The following SUCO variants were observed in gnomAD, a reference collection of about 807,000 sequenced individuals.
SUCO encodes SUN domain-containing ossification factor.
SUCO carries 57 observed loss-of-function variants against 148.1 expected under a neutral mutation model. The ratio of observed to expected loss-of-function variants is 0.38; its 90% CI spans 0.31 to 0.48. The LOEUF (loss-of-function observed/expected upper bound fraction) is 0.48. Among genes scored for constraint, SUCO ranks in the 20% least tolerant of loss-of-function variants. The pLI is 0.96. For missense variants in SUCO, 1,331 were observed against 1,468.2 expected (o/e 0.91, Z 1.53); for synonymous variants, 470 against 502.7 (o/e 0.93, Z 0.87).
At chr1:172,609,784 C>T (rs888924929) in intron 23 of SUCO, 32 bp from the exon 24 acceptor site, 16 of 1,565,616 alleles carry the variant, frequency 1.0e-5, no homozygotes, top group Non-Finnish European at 1.4e-5. Flanking sequence ...TGGGAAGTAT[C>T]ATTACTAACT....
intron 13 of SUCO, 131 bp downstream of exon 13, chr1:172,577,950 T>G: frequency 1.5e-6 from 1 of 652,976 alleles, no homozygotes; most frequent in Non-Finnish European, 2.5e-6. Flanking sequence ...CTGTGAAACC[T>G]TTCTTTTGAA....
At position 172,573,879 on chromosome 1, in the gene SUCO, T is replaced by C; in HGVS notation, c.1050-12T>C. ...GATTGGTTTAAGTAATTGTCTTTTG[T>C]TCTTTTTGAAGGTTTGTTATTGAAC... On this transcript the variant is annotated splice_polypyrimidine_tract_variant and intron_variant, in intron 9 of 23. Transcript: ENST00000263688. 2 of 1,452,684 alleles carry C rather than the reference T, an allele frequency of 1.4e-6. No individual in the cohort carries two copies. Among genetic ancestry groups the C allele is most frequent in the Non-Finnish European group, 1.9e-6 (2 of 1,042,066 alleles). The allele number at this position is 1,452,684 out of a possible 1,614,324, so 90.0% of individuals were successfully genotyped here.
chr1:172,546,629 C>T (rs1269913229), intron 1 of SUCO, among the ~76,000 whole-genome samples: 1 of 152,166 alleles, frequency 6.6e-6, no homozygotes, highest in Non-Finnish European at 1.5e-5. Context: ...CCTGTATAGG[C>T]CAGGCACAGT....
chr1:172,557,447 A>T, intron 5 of SUCO, 30 bp downstream of exon 5: 1 of 1,613,000 alleles, frequency 6.2e-7, no homozygotes, highest in Non-Finnish European at 8.5e-7. Context: ...TGTCCTTCTT[A>T]TGATTCTGTA....
chr1:172,593,521 T>C (rs1352780543), intron 19 of SUCO, among the ~76,000 whole-genome samples: 2 of 152,264 alleles, frequency 1.3e-5, no homozygotes, highest in African/African-American at 2.4e-5. Context: ...TTTCTGCATC[T>C]GTTGAGTTAA....
intron 19 of SUCO, among the ~76,000 whole-genome samples, chr1:172,596,930 C>T (rs949285573): frequency 6.6e-6 from 1 of 152,256 alleles, no homozygotes; most frequent in Non-Finnish European, 1.5e-5. Context: ...CTGCGCTGGG[C>T]TCCACCCAGT....
intron 1 of SUCO, among the ~76,000 whole-genome samples, chr1:172,539,412 C>G (rs1194656758): frequency 6.6e-6 from 1 of 152,084 alleles, no homozygotes; most frequent in Non-Finnish European, 1.5e-5. Flanking sequence ...GTACATGTCA[C>G]AAGGGAATAG....
intron 6 of SUCO, among the ~76,000 whole-genome samples, chr1:172,566,570 A>G (rs542933333): frequency 6.6e-6 from 1 of 152,402 alleles, no homozygotes; most frequent in East Asian, 1.9e-4. Flanking sequence ...ATACAGCAGC[A>G]GCAGAAGTAC....
chr1:172,608,549 A>G (rs1318006030), intron 22 of SUCO, 198 bp from the exon 23 acceptor site: 1 of 582,390 alleles, frequency 1.7e-6, no homozygotes, highest in Non-Finnish European at 3.0e-6. Context: ...TAGGAATCAT[A>G]TCATCTTCCA....
chr1:172,594,832 T>C (rs1395339426), intron 19 of SUCO, among the ~76,000 whole-genome samples: 1 of 152,228 alleles, frequency 6.6e-6, no homozygotes, highest in Non-Finnish European at 1.5e-5. Context: ...TGGATATCTT[T>C]GTTAACTTTC....
intron 19 of SUCO, among the ~76,000 whole-genome samples, chr1:172,591,301 T>G (rs2149262169): frequency 6.6e-6 from 1 of 152,224 alleles, no homozygotes; most frequent in African/African-American, 2.4e-5. Context: ...ACTTTTAAGT[T>G]CTAGGGTACA....
intron 1 of SUCO, among the ~76,000 whole-genome samples, chr1:172,546,443 A>G (rs1652862876): frequency 6.6e-6 from 1 of 152,222 alleles, no homozygotes; most frequent in African/African-American, 2.4e-5. Flanking sequence ...TAAAACAACT[A>G]TCACAAAGGA....
rs200727006 is a variant in SUCO, at chr1:172,557,744, G to T, written c.682G>T (p.Gly228Cys). 6.2e-7 allele frequency: 1 copy of T among 1,609,864 alleles called. No homozygotes were observed. The highest frequency in any genetic ancestry group is 8.5e-7 in the Non-Finnish European group (1 of 1,178,902). The change falls in exon 6 of 24, where the codon GGT (glycine) becomes TGT (cysteine). Residue 228 changes from glycine (G) to cysteine (C), a missense_variant. By Grantham distance (159) the Gly-to-Cys change is radical. This residue lies in a region of SUCO where 992 missense variants were observed against 1,093.5 expected (regional missense o/e 0.91). Coordinates refer to ENST00000263688, the MANE Select transcript of SUCO (RefSeq NM_014283.5). ...ESKVSASEQG[G>C]GDPKSALNAS... is the part of the protein sequence containing the mutation. ...AAAAGTTTCAGCAAGTGAACAGGGC[G>T]GTGGTGATCCAAAATCTGCATTGAA...
In SUCO at chr1:172,591,009, C is replaced by T; in HGVS notation, c.2851C>T (p.Gln951Ter). Residue 951 changes from glutamine (Q) to a stop codon, truncating the protein, a stop_gained, in exon 19 of 24, where the codon CAA becomes TAA. Coordinates refer to ENST00000263688, the MANE Select transcript of SUCO (RefSeq NM_014283.5). LOFTEE classifies it high-confidence loss of function. Reference protein sequence around the residue: ...QRYRKQMEEMQKAFNKTIVKL... With the variant: ...QRYRKQMEEM ...GTACCGAAAACAAATGGAAGAAATGCAAAAGGCTTTCAATAAAACAATCGT... is the reference window on the plus strand; with the variant it reads ...GTACCGAAAACAAATGGAAGAAATGTAAAAGGCTTTCAATAAAACAATCGT... The T allele has an allele frequency of 1.9e-6, 3 of 1,611,906 alleles. No individual in the cohort carries two copies. Among genetic ancestry groups the T allele is most frequent in the Non-Finnish European group, 2.5e-6 (3 of 1,178,884 alleles).
intron 1 of SUCO, among the ~76,000 whole-genome samples, chr1:172,538,046 A>G (rs1652156010): frequency 6.6e-6 from 1 of 152,170 alleles, no homozygotes. Context: ...TTTTGAAAGG[A>G]TTTGATTATC....
intron 9 of SUCO, among the ~76,000 whole-genome samples, chr1:172,572,908 G>A (rs562956657): frequency 3.2e-4 from 48 of 151,932 alleles, no homozygotes; most frequent in Non-Finnish European, 5.4e-4. Flanking sequence ...TTTATTTTCC[G>A]CCAATGCCAT....
At position 172,610,501 on chromosome 1, in the gene SUCO, C is replaced by A; in HGVS notation, c.*242C>A. 4.5e-6 allele frequency: 2 copies of A among 447,638 alleles called. No homozygotes were observed. Among genetic ancestry groups the A allele is most frequent in the Non-Finnish European group, 3.5e-6 (1 of 285,192 alleles). 27.7% of individuals were successfully genotyped at this position (447,638 alleles called of 1,614,324 possible). A position where few individuals can be genotyped will look rare whatever the true frequency, so the allele number is the denominator to read the frequency against. ...TAGACATTTTATAAAGATGTTTTTTCACAAGATTAATTACTGGGACAAAAG... is the reference window on the plus strand; with the variant it reads ...TAGACATTTTATAAAGATGTTTTTTAACAAGATTAATTACTGGGACAAAAG... On this transcript the variant is annotated 3_prime_UTR_variant, in exon 24 of 24. Transcript: ENST00000263688.
Position 172,563,945 on chromosome 1 carries a change from A to C in SUCO, c.733-5074A>C, listed in dbSNP as rs376070251. Among the ~76,000 whole-genome samples, 10 of 152,224 alleles carry C rather than the reference A, an allele frequency of 6.6e-5. 1 individual carries two copies. The East Asian group carries it at 9.6e-4, about 15-fold the overall frequency. ...GGCACCCTGCATCCCAGCTGCTCCA[A>C]CTTCAGCTGTGGTTGAAAGGGGCAA... On this transcript the variant is annotated intron_variant, in intron 6 of 23. Transcript: ENST00000263688.
intron 1 of SUCO, among the ~76,000 whole-genome samples, chr1:172,543,792 T>C (rs1471298840): frequency 6.6e-6 from 1 of 151,952 alleles, no homozygotes; most frequent in Non-Finnish European, 1.5e-5. Flanking sequence ...TGCAGCCAAA[T>C]AGAATAAAAA....
Sources: allele counts gnomAD v4.1 joint callset (sites outside exome capture counted in the v4.1 genomes callset), GRCh38; gene constraint gnomAD v4.1.1; regional missense constraint gnomAD v4.1.1; transcripts MANE v1.5; gene names NCBI Gene and HGNC (gene_info 2026-07-23, HGNC 2026-07-21).